CSMD1: variants seen among roughly 807,000 people sequenced by gnomAD.
The protein encoded by CSMD1 is CUB and Sushi multiple domains 1, also known as CUB and sushi domain-containing protein 1.
Under a neutral mutation model 417.5 loss-of-function variants are expected in CSMD1, and 213 were observed. That is an observed-to-expected ratio of 0.51 (90% CI 0.46 to 0.57). The LOEUF is 0.57. CSMD1 is among the 20% of genes least tolerant of loss of function. The probability of loss-of-function intolerance (pLI) is 0.00; values close to 1 mark genes in which losing one functional copy is unlikely to be tolerated. For missense variants in CSMD1, 6,923 were observed against 4,529.7 expected, an observed-to-expected ratio of 1.53 and a Z score of -15.17; for synonymous variants, 2,862 against 1,736.8, an observed-to-expected ratio of 1.65 and a Z score of -16.11.
intron 3 of CSMD1, among the ~76,000 whole-genome samples, chr8:4,090,267 G>A (rs1015375180): frequency 2.0e-5 from 3 of 152,126 alleles, no homozygotes; most frequent in Non-Finnish European, 2.9e-5. Context: ...TTGTCAAAGA[G>A]CTTAGATTCT....
chr8:3,995,860 C>A (rs1337193580), intron 5 of CSMD1, among the ~76,000 whole-genome samples: 6 of 152,174 alleles, frequency 3.9e-5, no homozygotes, highest in African/African-American at 4.8e-5. Flanking sequence ...TGAAGGCACA[C>A]AGGATCATAG....
intron 1 of CSMD1, among the ~76,000 whole-genome samples, chr8:4,926,071 G>C (rs543641823): frequency 2.0e-5 from 3 of 152,148 alleles, no homozygotes; most frequent in African/African-American, 7.2e-5. Flanking sequence ...CATTTTAAAA[G>C]TGGACTTATT....
At chr8:4,761,463 T>C (rs1361307753) in intron 1 of CSMD1, among the ~76,000 whole-genome samples, 2 of 152,180 alleles carry the variant, frequency 1.3e-5, no homozygotes, top group Non-Finnish European at 2.9e-5. Context: ...CTGTTTCCTT[T>C]ATAATTTCTA....
intron 7 of CSMD1, among the ~76,000 whole-genome samples, chr8:3,621,267 A>G (rs947170709): frequency 6.6e-6 from 1 of 152,140 alleles, no homozygotes; most frequent in Non-Finnish European, 1.5e-5. Context: ...AACCAAAGAC[A>G]TAGGTTGGCA....
chr8:4,521,515 G>T (rs1794204075), intron 2 of CSMD1, among the ~76,000 whole-genome samples: 1 of 152,148 alleles, frequency 6.6e-6, no homozygotes, highest in Non-Finnish European at 1.5e-5. Context: ...TTTAATGAAT[G>T]AATGTTTCCT....
At chr8:3,339,054 C>T (rs1352419869) in intron 23 of CSMD1, among the ~76,000 whole-genome samples, 2 of 139,188 alleles carry the variant, frequency 1.4e-5, no homozygotes, top group Non-Finnish European at 3.0e-5. Flanking sequence ...TCTCATTGTT[C>T]AATTCCCACC....
At chr8:3,609,921 C>T (rs950691847) in intron 8 of CSMD1, among the ~76,000 whole-genome samples, 1 of 146,860 alleles carries the variant, frequency 6.8e-6, no homozygotes, top group Non-Finnish European at 1.5e-5. Context: ...CCTGCCTCAG[C>T]CTCCCAAGTA....
intron 3 of CSMD1, among the ~76,000 whole-genome samples, chr8:4,167,429 T>C (rs1228108350): frequency 2.0e-5 from 3 of 152,072 alleles, no homozygotes; most frequent in African/African-American, 4.8e-5. Flanking sequence ...GAAATGGTAA[T>C]AGAAATGTTA....
At chr8:3,071,950 G>C (rs558181242) in intron 49 of CSMD1, among the ~76,000 whole-genome samples, 1 of 152,146 alleles carries the variant, frequency 6.6e-6, no homozygotes, top group Non-Finnish European at 1.5e-5. Flanking sequence ...ATGACACCTG[G>C]AAGCAACCCT....
At chr8:3,113,651 T>A (rs758482219) in intron 42 of CSMD1, among the ~76,000 whole-genome samples, 1 of 152,134 alleles carries the variant, frequency 6.6e-6, no homozygotes, top group Non-Finnish European at 1.5e-5. Flanking sequence ...AGGCTTCCCT[T>A]CGTTCATTGA....
intron 1 of CSMD1, among the ~76,000 whole-genome samples, chr8:4,805,249 T>G (rs1798521434): frequency 6.6e-6 from 1 of 152,258 alleles, no homozygotes; most frequent in African/African-American, 2.4e-5. Flanking sequence ...GTATTGCACC[T>G]GTCCATCTCT....
chr8:3,792,732 C>T (rs1296314056), intron 5 of CSMD1, among the ~76,000 whole-genome samples: 1 of 152,132 alleles, frequency 6.6e-6, no homozygotes, highest in Non-Finnish European at 1.5e-5. Context: ...GAGTTTCAAC[C>T]AGAATGCTCA....
intron 3 of CSMD1, among the ~76,000 whole-genome samples, chr8:4,173,621 T>G (rs1285176927): frequency 6.6e-6 from 1 of 152,142 alleles, no homozygotes; most frequent in Non-Finnish European, 1.5e-5. Context: ...CATAGCTTTG[T>G]GGAAGTTCGG....
intron 18 of CSMD1, among the ~76,000 whole-genome samples, chr8:3,376,525 C>A (rs1459029116): frequency 6.6e-6 from 1 of 151,826 alleles, no homozygotes; most frequent in African/African-American, 2.4e-5. Context: ...TCCCATTCTC[C>A]GTGAAAAATG....
intron 49 of CSMD1, among the ~76,000 whole-genome samples, chr8:3,064,262 A>C (rs1812773563): frequency 6.6e-6 from 1 of 152,160 alleles, no homozygotes; most frequent in African/African-American, 2.4e-5. Flanking sequence ...TCTCATGTTG[A>C]ATTGGCGGGG....
chr8:3,943,635 T>A (rs1468329409), intron 5 of CSMD1, among the ~76,000 whole-genome samples: 6 of 152,168 alleles, frequency 3.9e-5, no homozygotes, highest in Admixed American at 3.9e-4. Flanking sequence ...AGATCAAAGT[T>A]ACTATCACAA....
At chr8:4,884,372 GTT>G (rs1803593831) in intron 1 of CSMD1, among the ~76,000 whole-genome samples, 1 of 151,870 alleles carries the variant, frequency 6.6e-6, no homozygotes, top group African/African-American at 2.4e-5. Flanking sequence ...AACGTTTAGA[GTT>G]TTGATGAAGT....
chr8:4,951,898 C>G (rs1179486573), intron 1 of CSMD1, among the ~76,000 whole-genome samples: 1 of 151,550 alleles, frequency 6.6e-6, no homozygotes, highest in Non-Finnish European at 1.5e-5. Flanking sequence ...ATATTAATGA[C>G]ATTTTATTTA....
intron 2 of CSMD1, among the ~76,000 whole-genome samples, chr8:4,471,760 T>C (rs1013704266): frequency 1.3e-5 from 2 of 152,080 alleles, no homozygotes; most frequent in South Asian, 2.1e-4. Flanking sequence ...CCCATTTCTT[T>C]AGCGTCACAA....
Sources: gnomAD v4.1 joint callset for allele counts (sites outside exome capture counted in the v4.1 genomes callset) on GRCh38, gnomAD v4.1.1 for gene constraint, MANE v1.5 for transcripts, NCBI Gene and HGNC (gene_info 2026-07-23, HGNC 2026-07-21) for gene names.